The following DPM1 variants were observed in gnomAD, a reference collection of about 807,000 sequenced individuals.
The protein encoded by DPM1 is dolichol-phosphate mannosyltransferase subunit 1.
In DPM1, 27 loss-of-function variants were observed where a neutral mutation model predicts 39.0. The observed-to-expected ratio is 0.69, with a 90% confidence interval of 0.51 to 0.95. The LOEUF is 0.95. DPM1 is among the 40% of genes least tolerant of loss of function. The pLI, the probability that DPM1 is intolerant of heterozygous loss-of-function variation, is 0.00. For missense variants in DPM1, 307 were observed against 315.6 expected (o/e 0.97, Z 0.21); for synonymous variants, 124 against 109.0 (o/e 1.14, Z -0.86).
intron 6 of DPM1, 76 bp from the exon 7 acceptor site, chr20:50,941,009 T>C: frequency 1.6e-6 from 2 of 1,258,426 alleles, no homozygotes; most frequent in South Asian, 2.5e-5. Context: ...AGAACAGTGT[T>C]AAAATGCTAT....
intron 2 of DPM1, among the ~76,000 whole-genome samples, 167 bp downstream of exon 2, chr20:50,955,019 T>G (rs544253144): frequency 6.2e-4 from 94 of 152,226 alleles, no homozygotes; most frequent in Non-Finnish European, 1.1e-3. Context: ...ACCAAAGATA[T>G]GTAAAATTTT....
At chr20:50,940,364 C>A (rs759022126) in intron 7 of DPM1, among the ~76,000 whole-genome samples, 1 of 152,030 alleles carries the variant, frequency 6.6e-6, no homozygotes, top group African/African-American at 2.4e-5. Flanking sequence ...TCTACTACAG[C>A]AAATCTAGAC....
intron 7 of DPM1, among the ~76,000 whole-genome samples, chr20:50,937,220 A>G (rs761760882): frequency 3.3e-5 from 5 of 152,150 alleles, no homozygotes; most frequent in Non-Finnish European, 7.4e-5. Context: ...CTGAATCCAC[A>G]TTTTTTTTCC....
chr20:50,938,390 T>A (rs957861006), intron 7 of DPM1, among the ~76,000 whole-genome samples: 26 of 146,174 alleles, frequency 1.8e-4, no homozygotes, highest in Non-Finnish European at 3.6e-4. Flanking sequence ...TAAAAAAAAT[T>A]TTTTTTTTTT....
intron 2 of DPM1, among the ~76,000 whole-genome samples, chr20:50,952,598 T>C (rs975023586): frequency 1.3e-5 from 2 of 152,238 alleles, no homozygotes; most frequent in African/African-American, 4.8e-5. Flanking sequence ...TCTTCACTTA[T>C]CAGTGAGGCT....
At position 50,955,709 on chromosome 20, in the gene DPM1, G is replaced by T. The variant is rs922309597; in HGVS notation, c.162-424C>A. ...CTCCGGAGTAGCTGGGACTACAGGC[G>T]CCCACCACCACGCCCGGCTAATTTT... On this transcript the variant is annotated intron_variant, in intron 1 of 8. Coordinates refer to ENST00000371588, the MANE Select transcript of DPM1 (RefSeq NM_003859.3). Among the ~76,000 whole-genome samples, 4 of 151,992 alleles carry T rather than the reference G, an allele frequency of 2.6e-5. No individual in the cohort carries two copies. The East Asian group carries it at 7.7e-4, about 29-fold the overall frequency.
chr20:50,950,590 C>T (rs1047692583), intron 2 of DPM1, among the ~76,000 whole-genome samples: 3 of 152,114 alleles, frequency 2.0e-5, no homozygotes, highest in Non-Finnish European at 2.9e-5. Flanking sequence ...TAACTTTGGC[C>T]AGATGCAGTG....
rs11474633 is a variant in DPM1, at chr20:50,945,284, TTGTGTGTGTG to T, written c.398+443_398+452del. ...TACATCATTTAGTCTCAAATGTGTG[TTGTGTGTGTG>T]TGTGTGTGTGTGTGTGTGTGTGTGT... On this transcript the variant is annotated intron_variant, in intron 5 of 8. Coordinates refer to ENST00000371588, the MANE Select transcript of DPM1 (RefSeq NM_003859.3). 757 of 157,094 alleles carry T rather than the reference TTGTGTGTGTG, an allele frequency of 4.8e-3. 5 individuals carry two copies. Among genetic ancestry groups the T allele is most frequent in the East Asian group, 5.4e-3 (30 of 5,586 alleles). The allele number at this position is 157,094 out of a possible 1,614,324, so 9.7% of individuals were successfully genotyped here. A position where few individuals can be genotyped will look rare whatever the true frequency, so the allele number is the denominator to read the frequency against.
chr20:50,948,866 ATT>A (rs35605738), intron 2 of DPM1, among the ~76,000 whole-genome samples: 2 of 146,830 alleles, frequency 1.4e-5, no homozygotes, highest in Admixed American at 1.4e-4. Flanking sequence ...CGTAGCTAAC[ATT>A]TTTTTTTTTT....
intron 5 of DPM1, among the ~76,000 whole-genome samples, chr20:50,942,703 C>T (rs1985945642): frequency 6.6e-6 from 1 of 152,104 alleles, no homozygotes; most frequent in Non-Finnish European, 1.5e-5. Context: ...CAATACCCTT[C>T]CATTCTGTTC....
At chr20:50,944,590 C>CT (rs1482000431) in intron 5 of DPM1, 1 of 152,188 alleles carries the variant, frequency 6.6e-6, no homozygotes, top group Non-Finnish European at 1.5e-5. Flanking sequence ...CACATAGGGG[C>CT]TTGAGGGACA....
intron 7 of DPM1, among the ~76,000 whole-genome samples, chr20:50,936,964 G>A (rs1287252264): frequency 6.6e-6 from 1 of 152,082 alleles, no homozygotes; most frequent in Non-Finnish European, 1.5e-5. Flanking sequence ...AGACAGCGGA[G>A]TTGGGCAGTC....
chr20:50,944,037 G>C (rs573021343), intron 5 of DPM1, among the ~76,000 whole-genome samples: 8 of 152,244 alleles, frequency 5.3e-5, no homozygotes, highest in Admixed American at 1.3e-4. Flanking sequence ...ACTGCGCCCG[G>C]CCAAGCCTGA....
intron 2 of DPM1, among the ~76,000 whole-genome samples, chr20:50,953,218 T>C (rs552225402): frequency 6.6e-6 from 1 of 152,332 alleles, no homozygotes; most frequent in East Asian, 1.9e-4. Context: ...GCACTGTGAA[T>C]AGTTCAGAGT....
intron 1 of DPM1, 30 bp from the exon 2 acceptor site, chr20:50,955,315 G>A (rs1986771007): frequency 6.9e-7 from 1 of 1,445,532 alleles, no homozygotes; most frequent in Non-Finnish European, 9.7e-7. Context: ...ATTAATGACT[G>A]ATGACAGTGT....
At chr20:50,952,153 T>C (rs940999561) in intron 2 of DPM1, among the ~76,000 whole-genome samples, 1 of 152,192 alleles carries the variant, frequency 6.6e-6, no homozygotes, top group African/African-American at 2.4e-5. Flanking sequence ...TTGGCTTTCA[T>C]GAGGAACAAG....
chr20:50,945,879 T>G lies in DPM1; in HGVS notation c.340A>C (p.Ile114Leu). ...HGMKHATGNY[I>L]IIMDADLSHH... Reference sequence around the variant, plus strand: ...GAGAGATCAGCATCCATAATAATGATGTAGTTTCCTGTGGCATGTTTCATT... The same window carrying G: ...GAGAGATCAGCATCCATAATAATGAGGTAGTTTCCTGTGGCATGTTTCATT... Residue 114 changes from isoleucine to leucine, a missense_variant, in exon 4 of 9, where the codon ATC becomes CTC. Physicochemically the swap from Ile to Leu is conservative, Grantham distance 5. Transcript: ENST00000371588. 1 of 1,613,670 alleles carries G rather than the reference T, an allele frequency of 6.2e-7. No individual in the cohort carries two copies. Among genetic ancestry groups the G allele is most frequent in the South Asian group, 1.1e-5 (1 of 91,078 alleles).
At chr20:50,935,466 A>C (rs1985070069) in intron 8 of DPM1, among the ~76,000 whole-genome samples, 1 of 152,244 alleles carries the variant, frequency 6.6e-6, no homozygotes, top group Non-Finnish European at 1.5e-5. Flanking sequence ...CAACTGTTTA[A>C]AAAGCACTGA....
chr20:50,956,975 T>G (rs1183783226), intron 1 of DPM1, among the ~76,000 whole-genome samples: 1 of 151,706 alleles, frequency 6.6e-6, no homozygotes, highest in African/African-American at 2.4e-5. Context: ...TCACAAACCA[T>G]TAAAAGGAAA....
Sources: gnomAD v4.1 joint callset for allele counts (sites outside exome capture counted in the v4.1 genomes callset) on GRCh38, gnomAD v4.1.1 for gene constraint, MANE v1.5 for transcripts, NCBI Gene and HGNC (gene_info 2026-07-23, HGNC 2026-07-21) for gene names.